The following SWAP70 variants were observed in gnomAD, a reference collection of about 807,000 sequenced individuals.
SWAP70 encodes the protein switching B cell complex subunit SWAP70.
Under a neutral mutation model 80.2 loss-of-function variants are expected in SWAP70, and 34 were observed. The ratio of observed to expected loss-of-function variants is 0.42; its 90% CI spans 0.32 to 0.56. The LOEUF (loss-of-function observed/expected upper bound fraction) is 0.56. SWAP70 is among the 20% of genes least tolerant of loss of function. The pLI, the probability that SWAP70 is intolerant of heterozygous loss-of-function variation, is 0.09. For missense variants in SWAP70, 578 were observed against 690.7 expected (o/e 0.84, Z 1.83); for synonymous variants, 239 against 238.5 (o/e 1.00, Z -0.02).
intron 2 of SWAP70, among the ~76,000 whole-genome samples, chr11:9,700,510 A>G (rs558405554): frequency 6.6e-6 from 1 of 152,362 alleles, no homozygotes; most frequent in East Asian, 1.9e-4. Context: ...GTTGCAAGGT[A>G]TGCTGTCATG....
chr11:9,689,082 C>T (rs1850665213), intron 1 of SWAP70, among the ~76,000 whole-genome samples: 1 of 152,104 alleles, frequency 6.6e-6, no homozygotes, highest in South Asian at 2.1e-4. Context: ...TAGAAATCTG[C>T]CCCCACTCCG....
rs1231774680 is a variant in SWAP70, at chr11:9,724,762, T to A, written c.519T>A (p.Leu173=). The A allele has an allele frequency of 6.2e-7, 1 of 1,614,174 alleles. No individual in the cohort carries two copies. The highest frequency in any genetic ancestry group is 8.5e-7 in the Non-Finnish European group (1 of 1,179,996). Residue 173 remains leucine (L), a synonymous_variant, in exon 4 of 12, where the codon CTT becomes CTA. Coordinates refer to ENST00000318950, the MANE Select transcript of SWAP70 (RefSeq NM_015055.4). ...KINFDDSKNG[L]SAWELIELIG... is the part of the protein sequence containing the mutation. ...ACTTTGATGACAGTAAAAATGGCCT[T>A]TCTGCATGGGAACTTATTGAGCTTA...
At chr11:9,687,869 GT>G (rs1850651253) in intron 1 of SWAP70, among the ~76,000 whole-genome samples, 1 of 152,188 alleles carries the variant, frequency 6.6e-6, no homozygotes, top group Non-Finnish European at 1.5e-5. Context: ...ACAGAACATA[GT>G]TAAATGCTGA....
rs1401219337 is a variant in SWAP70 at position 9,751,616 on chromosome 11, A to C, written c.*1646A>C. On this transcript the variant is annotated 3_prime_UTR_variant, in exon 12 of 12. Coordinates refer to ENST00000318950, the MANE Select transcript of SWAP70 (RefSeq NM_015055.4). The stretch of plus-strand genomic sequence containing the variant: ...TAGTGCTTGCTGAGTGCATACTAAG[A>C]AAGCAATTCCAAATAGATGTATACA... 1 of 152,262 alleles carries C rather than the reference A, an allele frequency of 6.6e-6. No homozygotes were observed. Among genetic ancestry groups the C allele is most frequent in the East Asian group, 1.9e-4 (1 of 5,206 alleles). 9.4% of individuals were successfully genotyped at this position (152,262 alleles called of 1,614,324 possible).
At chr11:9,716,063 C>T (rs973683071) in intron 3 of SWAP70, among the ~76,000 whole-genome samples, 1 of 152,078 alleles carries the variant, frequency 6.6e-6, no homozygotes, top group Non-Finnish European at 1.5e-5. Flanking sequence ...AAATGCTGGG[C>T]AGTCAAAAAA....
chr11:9,748,039 G>A lies in SWAP70; in HGVS notation c.1537G>A (p.Ala513Thr). The A allele has an allele frequency of 6.2e-7, 1 of 1,614,114 alleles. No individual in the cohort carries two copies. Residue 513 changes from alanine to threonine, a missense_variant, in exon 10 of 12, where the codon GCA (alanine) becomes ACA (threonine). Physicochemically the swap from Ala to Thr is moderately conservative, Grantham distance 58. Coordinates refer to ENST00000318950, the MANE Select transcript of SWAP70 (RefSeq NM_015055.4). ...LEQLELERKQ[A>T]LEQYEEVKKK... ...GCAGCTTGAGTTAGAACGGAAGCAA[G>A]CACTTGAGCAGTACGAGGTAATGAG...
rs759958103 is a variant in SWAP70, at chr11:9,749,162, T to A, written c.1630T>A (p.Leu544Ile). The A allele has an allele frequency of 2.5e-6, 4 of 1,610,198 alleles. No individual in the cohort carries two copies. The highest frequency in any genetic ancestry group is 3.4e-6 in the Non-Finnish European group (4 of 1,177,490). ...GGACAAAGTGGCCCATCATGAAGGA[T>A]TAATTCGACTGATAGAACCAGGTAA... ...WKDKVAHHEG[L>I]IRLIEPGSKN... The change falls in exon 11 of 12, where the codon TTA becomes ATA. Residue 544 changes from leucine to isoleucine, a missense_variant. By Grantham distance (5) the Leu-to-Ile change is conservative. Transcript: ENST00000318950.
At chr11:9,676,233 A>G (rs1850499044) in intron 1 of SWAP70, among the ~76,000 whole-genome samples, 1 of 152,242 alleles carries the variant, frequency 6.6e-6, no homozygotes, top group Non-Finnish European at 1.5e-5. Context: ...TGGTAGACTG[A>G]AAACTGTATT....
At chr11:9,665,707 A>G (rs976851661) in intron 1 of SWAP70, among the ~76,000 whole-genome samples, 2 of 152,218 alleles carry the variant, frequency 1.3e-5, no homozygotes, top group Non-Finnish European at 2.9e-5. Context: ...GTGTGTACCA[A>G]TAATTTTTTA....
chr11:9,730,583 AT>A (rs1851284634), intron 6 of SWAP70, among the ~76,000 whole-genome samples: 1 of 152,134 alleles, frequency 6.6e-6, no homozygotes, highest in African/African-American at 2.4e-5. Context: ...AGAATATAGA[AT>A]TTTCCCTTTT....
At chr11:9,731,603 A>G (rs1012767244) in intron 6 of SWAP70, among the ~76,000 whole-genome samples, 3 of 152,216 alleles carry the variant, frequency 2.0e-5, no homozygotes, top group Non-Finnish European at 4.4e-5. Flanking sequence ...TTGGTGTGCC[A>G]TGCAGTACTT....
chr11:9,686,412 G>A (rs772848638), intron 1 of SWAP70, among the ~76,000 whole-genome samples: 1 of 150,420 alleles, frequency 6.6e-6, no homozygotes, highest in Admixed American at 6.7e-5. Context: ...CAGAGCTGGA[G>A]TACAGCGGCA....
At chr11:9,673,399 G>A (rs571186801) in intron 1 of SWAP70, among the ~76,000 whole-genome samples, 2 of 152,280 alleles carry the variant, frequency 1.3e-5, no homozygotes, top group South Asian at 4.1e-4. Flanking sequence ...GGGGTGCACT[G>A]CCCTCCTGGT....
At chr11:9,719,367 C>T (rs1227192701) in intron 3 of SWAP70, among the ~76,000 whole-genome samples, 1 of 151,900 alleles carries the variant, frequency 6.6e-6, no homozygotes, top group Non-Finnish European at 1.5e-5. Context: ...GAATGAGATC[C>T]TGTCTCAAAA....
At chr11:9,746,867 T>G (rs945002850) in intron 9 of SWAP70, among the ~76,000 whole-genome samples, 2 of 152,254 alleles carry the variant, frequency 1.3e-5, no homozygotes, top group African/African-American at 4.8e-5. Context: ...ATAACAACCT[T>G]GCAGGAAGTT....
chr11:9,692,998 G>T (rs1209122993), intron 1 of SWAP70, among the ~76,000 whole-genome samples: 1 of 152,268 alleles, frequency 6.6e-6, no homozygotes, highest in Admixed American at 6.5e-5. Flanking sequence ...AATTTAGAAA[G>T]AAGATATGCA....
At chr11:9,699,275 T>C (rs1044905107) in intron 2 of SWAP70, among the ~76,000 whole-genome samples, 6 of 152,082 alleles carry the variant, frequency 3.9e-5, no homozygotes, top group Non-Finnish European at 8.8e-5. Flanking sequence ...AACCACTGAA[T>C]TGTATACTTT....
At chr11:9,671,506 A>ATT (rs1565109382) in intron 1 of SWAP70, among the ~76,000 whole-genome samples, 1 of 90,054 alleles carries the variant, frequency 1.1e-5, no homozygotes, top group Non-Finnish European at 2.0e-5. Flanking sequence ...ATATAAATAT[A>ATT]TATAAATATA....
At chr11:9,675,785 C>T (rs1410176699) in intron 1 of SWAP70, among the ~76,000 whole-genome samples, 2 of 151,938 alleles carry the variant, frequency 1.3e-5, no homozygotes, top group African/African-American at 2.4e-5. Flanking sequence ...CACCTTCTAC[C>T]GGGGAGCTCT....
Sources: allele counts gnomAD v4.1 joint callset (sites outside exome capture counted in the v4.1 genomes callset), GRCh38; gene constraint gnomAD v4.1.1; transcripts MANE v1.5; gene names NCBI Gene and HGNC (gene_info 2026-07-23, HGNC 2026-07-21).